The following RASSF9 variants were observed in gnomAD, a reference collection of about 807,000 sequenced individuals.
RASSF9 encodes Ras association domain family member 9.
Under a neutral mutation model 21.4 loss-of-function variants are expected in RASSF9, and 18 were observed. The observed-to-expected ratio is 0.84, with a 90% confidence interval of 0.58 to 1.25. The LOEUF is 1.25. RASSF9 is among the 50% of genes most tolerant of loss of function. The pLI, the probability that RASSF9 is intolerant of heterozygous loss-of-function variation, is 0.00. For synonymous variants in RASSF9, 183 were observed against 179.1 expected (o/e 1.02, Z -0.18); for missense variants, 480 against 503.2 (o/e 0.95, Z 0.44).
At chr12:85,818,959 A>AC (rs1282108884) in intron 1 of RASSF9, among the ~76,000 whole-genome samples, 2 of 127,606 alleles carry the variant, frequency 1.6e-5, no homozygotes, top group Non-Finnish European at 3.7e-5. Context: ...ACTCCGTCAA[A>AC]AAAAAAAAAA....
At chr12:85,826,592 C>T (rs1179632028) in intron 1 of RASSF9, among the ~76,000 whole-genome samples, 1 of 138,158 alleles carries the variant, frequency 7.2e-6, no homozygotes, top group Non-Finnish European at 1.5e-5. Flanking sequence ...GGATTACAGG[C>T]ACCTGCCACC....
intron 1 of RASSF9, among the ~76,000 whole-genome samples, chr12:85,830,924 G>T (rs909476048): frequency 9.2e-5 from 14 of 152,184 alleles, no homozygotes; most frequent in Admixed American, 6.6e-4. Context: ...AATCAATGTT[G>T]TGTTTTGCCA....
At chr12:85,816,410 GTAAA>G (rs1249270474) in intron 1 of RASSF9, among the ~76,000 whole-genome samples, 1 of 151,876 alleles carries the variant, frequency 6.6e-6, no homozygotes, top group Non-Finnish European at 1.5e-5. Context: ...GCTGTAGAGG[GTAAA>G]TAAATGTTTT....
chr12:85,831,528 C>T (rs1051823056), intron 1 of RASSF9, among the ~76,000 whole-genome samples: 1 of 151,898 alleles, frequency 6.6e-6, no homozygotes, highest in Non-Finnish European at 1.5e-5. Flanking sequence ...GCATTCCAGT[C>T]ATTGTTCCTA....
intron 1 of RASSF9, among the ~76,000 whole-genome samples, chr12:85,826,446 T>G (rs1880334034): frequency 7.3e-6 from 1 of 136,066 alleles, no homozygotes; most frequent in Admixed American, 7.5e-5. Context: ...TTCCTTCCAA[T>G]ATTTTTTTTT....
Position 85,805,907 on chromosome 12 carries a change from G to A in RASSF9, c.103C>T (p.Gln35Ter). 6.2e-7 allele frequency: 1 copy of A among 1,613,624 alleles called. No individual in the cohort carries two copies. The highest frequency in any genetic ancestry group is 1.7e-5 in the Admixed American group (1 of 59,998). Residue 35 changes from glutamine (Q) to a stop codon, truncating the protein, a stop_gained, in exon 2 of 2, where the codon CAA (glutamine) becomes TAA (stop). Coordinates refer to ENST00000361228, the MANE Select transcript of RASSF9 (RefSeq NM_005447.4). LOFTEE classifies it high-confidence loss of function. ...AGCCCACAGACAAGCTTCTCTTCTT[G>A]GCAAACCCAAACCACAATTTCCTTC... ...EEKEIVVWVCQEEKLVCGLTK... is the reference protein window; with the variant it reads ...EEKEIVVWVC
At position 85,802,267 on chromosome 12, in the gene RASSF9, TAACA is replaced by T. The variant is rs767825870; in HGVS notation, c.*2431_*2434del. On this transcript the variant is annotated 3_prime_UTR_variant, in exon 2 of 2. Transcript: ENST00000361228. ...TAATTCCAATTCTCACTTAATTTAA[TAACA>T]AATAGTTCAGTATCCAGACATGAGG... 5.3e-5 allele frequency: 8 copies of T among 152,212 alleles called. No individual in the cohort carries two copies. The highest frequency in any genetic ancestry group is 8.8e-5 in the Non-Finnish European group (6 of 68,034). 9.4% of individuals were successfully genotyped at this position (152,212 alleles called of 1,614,324 possible). A position where few individuals can be genotyped will look rare whatever the true frequency, so the allele number is the denominator to read the frequency against.
intron 1 of RASSF9, among the ~76,000 whole-genome samples, chr12:85,830,398 A>G (rs1189329230): frequency 6.6e-6 from 1 of 152,084 alleles, no homozygotes; most frequent in Non-Finnish European, 1.5e-5. Context: ...TAAGTTACCC[A>G]TGTATCCACT....
At chr12:85,823,354 T>A (rs1238258340) in intron 1 of RASSF9, among the ~76,000 whole-genome samples, 1 of 152,146 alleles carries the variant, frequency 6.6e-6, no homozygotes, top group Non-Finnish European at 1.5e-5. Flanking sequence ...CATTGTGACC[T>A]CCTCCTCCCA....
At chr12:85,810,890 T>C (rs936407467) in intron 1 of RASSF9, among the ~76,000 whole-genome samples, 1 of 147,672 alleles carries the variant, frequency 6.8e-6, no homozygotes, top group Non-Finnish European at 1.5e-5. Context: ...ATATATTGCA[T>C]GTGTAAAATT....
intron 1 of RASSF9, among the ~76,000 whole-genome samples, chr12:85,834,962 T>C (rs962824622): frequency 6.6e-6 from 1 of 152,054 alleles, no homozygotes; most frequent in African/African-American, 2.4e-5. Flanking sequence ...TATTAGAAAA[T>C]AAAGCTTACT....
intron 1 of RASSF9, among the ~76,000 whole-genome samples, chr12:85,817,268 A>G (rs1880093306): frequency 6.6e-6 from 1 of 152,102 alleles, no homozygotes; most frequent in Non-Finnish European, 1.5e-5. Flanking sequence ...TTTAGATGTT[A>G]AAGAGTCAAA....
At chr12:85,823,575 T>C (rs61930073) in intron 1 of RASSF9, among the ~76,000 whole-genome samples, 10,631 of 152,274 alleles carry the variant, frequency 0.07, 544 homozygotes, top group Middle Eastern at 0.18. Context: ...CTTCACCCCT[T>C]GAATAGACCT....
intron 1 of RASSF9, among the ~76,000 whole-genome samples, chr12:85,813,320 A>C (rs1237958480): frequency 6.6e-6 from 1 of 151,970 alleles, no homozygotes; most frequent in African/African-American, 2.4e-5. Flanking sequence ...GATAATTAGC[A>C]TTAATAACAT....
chr12:85,830,769 AC>A (rs1880433399), intron 1 of RASSF9, among the ~76,000 whole-genome samples: 1 of 152,122 alleles, frequency 6.6e-6, no homozygotes, highest in Non-Finnish European at 1.5e-5. Flanking sequence ...AATACTTTGT[AC>A]TTGTATGATC....
chr12:85,823,027 C>G (rs1246407185), intron 1 of RASSF9, among the ~76,000 whole-genome samples: 1 of 151,972 alleles, frequency 6.6e-6, no homozygotes, highest in Non-Finnish European at 1.5e-5. Flanking sequence ...GGTGAAACCC[C>G]GTCTCCACTA....
chr12:85,834,347 C>T (rs1276601109), intron 1 of RASSF9, among the ~76,000 whole-genome samples: 1 of 152,068 alleles, frequency 6.6e-6, no homozygotes, highest in Non-Finnish European at 1.5e-5. Context: ...AAATTCAACA[C>T]TATTAAACTC....
chr12:85,824,972 C>A (rs1880298518), intron 1 of RASSF9, among the ~76,000 whole-genome samples: 1 of 152,076 alleles, frequency 6.6e-6, no homozygotes, highest in South Asian at 2.1e-4. Context: ...AACCCCACTC[C>A]CACAAACCGA....
In RASSF9 at chr12:85,802,464, TA is replaced by T. The variant is rs1879724609; in HGVS notation, c.*2237del. The T allele has an allele frequency of 6.6e-6, 1 of 152,196 alleles. No homozygotes were observed. The highest frequency in any genetic ancestry group is 2.4e-5 in the African/African-American group (1 of 41,462). The allele number at this position is 152,196 out of a possible 1,614,324, so 9.4% of individuals were successfully genotyped here. A position where few individuals can be genotyped will look rare whatever the true frequency, so the allele number is the denominator to read the frequency against. ...GCAAATGGAAATTCTGAAATGAATT[TA>T]AAAAGCAATGGTACTGCTTTCTGAG... On this transcript the variant is annotated 3_prime_UTR_variant, in exon 2 of 2. Transcript: ENST00000361228.
Sources: allele counts gnomAD v4.1 joint callset (sites outside exome capture counted in the v4.1 genomes callset), GRCh38; gene constraint gnomAD v4.1.1; transcripts MANE v1.5; gene names NCBI Gene and HGNC (gene_info 2026-07-23, HGNC 2026-07-21).